Variants in KALRN observed in about 807,000 individuals in gnomAD.
The protein encoded by KALRN is kalirin.
KALRN carries 70 observed loss-of-function variants against 353.7 expected under a neutral mutation model. That is an observed-to-expected ratio of 0.20 (90% CI 0.16 to 0.24). KALRN has a LOEUF of 0.24. Among genes scored for constraint, KALRN ranks in the 10% least tolerant of loss-of-function variants. The probability of loss-of-function intolerance (pLI) is 1.00; values close to 1 mark genes in which losing one functional copy is unlikely to be tolerated. For missense variants in KALRN, 2,791 were observed against 3,756.7 expected (o/e 0.74, Z 6.72); for synonymous variants, 1,391 against 1,434.8 (o/e 0.97, Z 0.69).
At chr3:124,435,205 A>G (rs1016898965) in intron 17 of KALRN, among the ~76,000 whole-genome samples, 3 of 152,248 alleles carry the variant, frequency 2.0e-5, no homozygotes, top group African/African-American at 7.2e-5. Context: ...TTGCTGAACA[A>G]TAATTAAATC....
intron 1 of KALRN, among the ~76,000 whole-genome samples, chr3:124,146,601 G>A (rs966265250): frequency 2.0e-5 from 3 of 152,114 alleles, no homozygotes; most frequent in African/African-American, 7.2e-5. Flanking sequence ...GTAAGGGCCA[G>A]GCTCAGTGTC....
At chr3:124,689,798 A>C (rs1378662945) in intron 51 of KALRN, among the ~76,000 whole-genome samples, 1 of 152,224 alleles carries the variant, frequency 6.6e-6, no homozygotes, top group Non-Finnish European at 1.5e-5. Flanking sequence ...TTCATAGCAA[A>C]AAAAATTTAT....
At chr3:124,442,128 C>G in intron 19 of KALRN, 69 bp downstream of exon 19, 1 of 831,248 alleles carries the variant, frequency 1.2e-6, no homozygotes, top group Non-Finnish European at 1.8e-6. Context: ...TACCATGTAC[C>G]CAGTTTTCAC....
At chr3:124,450,227 A>G (rs1252132157) in intron 21 of KALRN, among the ~76,000 whole-genome samples, 2 of 152,144 alleles carry the variant, frequency 1.3e-5, no homozygotes, top group African/African-American at 4.8e-5. Flanking sequence ...GTCTTTTTAT[A>G]TAGCCATCCT....
intron 33 of KALRN, among the ~76,000 whole-genome samples, chr3:124,513,870 C>G (rs921566703): frequency 6.6e-6 from 1 of 152,132 alleles, no homozygotes; most frequent in Admixed American, 6.5e-5. Context: ...CATCGCTGAC[C>G]GCTCAGCCAG....
chr3:124,633,372 G>A (rs2149840200), intron 35 of KALRN, among the ~76,000 whole-genome samples: 1 of 152,292 alleles, frequency 6.6e-6, no homozygotes, highest in South Asian at 2.1e-4. Flanking sequence ...TGAGATACCT[G>A]TTTTATTTGG....
At chr3:124,167,124 G>T (rs140516830) in intron 1 of KALRN, among the ~76,000 whole-genome samples, 7 of 152,156 alleles carry the variant, frequency 4.6e-5, no homozygotes, top group African/African-American at 1.7e-4. Flanking sequence ...AAGATGGAGT[G>T]GGGGTGGACC....
At chr3:124,037,041 T>C (rs564099245) in intron 1 of KALRN, among the ~76,000 whole-genome samples, 2 of 152,324 alleles carry the variant, frequency 1.3e-5, no homozygotes, top group Admixed American at 1.3e-4. Flanking sequence ...AGTAATTTTA[T>C]TGATCATAGT....
chr3:124,544,396 A>G (rs2069391421), intron 33 of KALRN, among the ~76,000 whole-genome samples: 1 of 152,146 alleles, frequency 6.6e-6, no homozygotes, highest in Non-Finnish European at 1.5e-5. Flanking sequence ...CCCTGTCTCT[A>G]CTAAAAATAC....
intron 37 of KALRN, among the ~76,000 whole-genome samples, chr3:124,637,979 T>C (rs1201809400): frequency 6.6e-6 from 1 of 152,212 alleles, no homozygotes; most frequent in Non-Finnish European, 1.5e-5. Flanking sequence ...CCTTTTTGGA[T>C]AGCTCATTAG....
chr3:124,144,520 T>C (rs1244837183), intron 1 of KALRN, among the ~76,000 whole-genome samples: 1 of 149,336 alleles, frequency 6.7e-6, no homozygotes, highest in African/African-American at 2.5e-5. Flanking sequence ...TTGTCCTCCT[T>C]CTCCTCTTCC....
chr3:124,519,249 G>A, intron 33 of KALRN: 1 of 957,122 alleles, frequency 1.0e-6, no homozygotes, highest in Non-Finnish European at 1.2e-6. Flanking sequence ...GATAATTGTT[G>A]AAACTAGATG....
intron 33 of KALRN, among the ~76,000 whole-genome samples, chr3:124,502,892 A>C (rs947441461): frequency 6.6e-6 from 1 of 152,218 alleles, no homozygotes; most frequent in East Asian, 1.9e-4. Flanking sequence ...AATATTTTTC[A>C]CTTGACACAT....
intron 34 of KALRN, among the ~76,000 whole-genome samples, chr3:124,618,755 G>A (rs1412841360): frequency 6.6e-6 from 1 of 152,164 alleles, no homozygotes; most frequent in Non-Finnish European, 1.5e-5. Flanking sequence ...AGGGCTGCAT[G>A]CAGAGAGCTA....
intron 27 of KALRN, among the ~76,000 whole-genome samples, chr3:124,479,422 G>C (rs1192663842): frequency 6.6e-6 from 1 of 152,216 alleles, no homozygotes; most frequent in Non-Finnish European, 1.5e-5. Flanking sequence ...AATCTTTGCA[G>C]CTTATTTTCA....
chr3:124,613,246 A>G (rs2078205107), intron 34 of KALRN, among the ~76,000 whole-genome samples: 1 of 152,112 alleles, frequency 6.6e-6, no homozygotes, highest in Non-Finnish European at 1.5e-5. Flanking sequence ...TACACTTCCC[A>G]GTTTGACACA....
At chr3:124,085,762 A>C (rs549569219) in intron 1 of KALRN, among the ~76,000 whole-genome samples, 102 of 152,376 alleles carry the variant, frequency 6.7e-4, no homozygotes, top group African/African-American at 2.4e-3. Flanking sequence ...TAGTAAAAAA[A>C]TTATAACAAC....
chr3:124,605,790 G>T (rs1450492950), intron 34 of KALRN, among the ~76,000 whole-genome samples: 1 of 152,124 alleles, frequency 6.6e-6, no homozygotes, highest in Non-Finnish European at 1.5e-5. Flanking sequence ...GTACACCCAG[G>T]TTTTTAAGCT....
chr3:124,564,953 T>C (rs915449386), intron 34 of KALRN, among the ~76,000 whole-genome samples: 2 of 152,258 alleles, frequency 1.3e-5, no homozygotes, highest in Non-Finnish European at 2.9e-5. Context: ...GCATGCCTTC[T>C]ATGCAGACCT....
Sources: gnomAD v4.1 joint callset for allele counts (sites outside exome capture counted in the v4.1 genomes callset) on GRCh38, gnomAD v4.1.1 for gene constraint, MANE v1.5 for transcripts, NCBI Gene and HGNC (gene_info 2026-07-23, HGNC 2026-07-21) for gene names.